The following SH3D19 variants were observed in gnomAD, a reference collection of about 807,000 sequenced individuals.
The protein encoded by SH3D19 is SH3 domain-containing protein 19.
In SH3D19, 58 loss-of-function variants were observed where a neutral mutation model predicts 112.1. The ratio of observed to expected loss-of-function variants is 0.52; its 90% confidence interval spans 0.42 to 0.64. SH3D19 has a LOEUF of 0.64. SH3D19 is among the 30% of genes least tolerant of loss of function. The pLI is 0.00. For synonymous variants in SH3D19, 391 were observed against 448.5 expected (o/e 0.87, Z 1.62); for missense variants, 1,090 against 1,263.4 (o/e 0.86, Z 2.08).
At chr4:151,236,261 C>T (rs941153426) in intron 1 of SH3D19, among the ~76,000 whole-genome samples, 41 of 152,378 alleles carry the variant, frequency 2.7e-4, no homozygotes, top group African/African-American at 8.4e-4. Context: ...GCCGGGGCTG[C>T]GCCCGGGGCT....
chr4:151,143,634 T>C (rs977713838), intron 12 of SH3D19, among the ~76,000 whole-genome samples: 2 of 151,964 alleles, frequency 1.3e-5, no homozygotes, highest in Non-Finnish European at 2.9e-5. Flanking sequence ...TTATTTGTTT[T>C]TTTTTTCCAA....
intron 17 of SH3D19, among the ~76,000 whole-genome samples, chr4:151,131,001 T>C (rs1458439922): frequency 6.6e-6 from 1 of 152,118 alleles, no homozygotes; most frequent in Non-Finnish European, 1.5e-5. Context: ...ATAATCTCAC[T>C]ACCTAGATGC....
chr4:151,132,362 GT>G lies in SH3D19; in HGVS notation c.2710del (p.Thr904ProfsTer69). 6.2e-7 allele frequency: 1 copy of G among 1,613,556 alleles called. No individual in the cohort carries two copies. Among genetic ancestry groups the G allele is most frequent in the Non-Finnish European group, 8.5e-7 (1 of 1,179,830 alleles). Reference sequence around the variant, plus strand: ...GTTTGAGCCAGAATCTTCTTTTTTGGTTTTCAGTGGTACCTTTGTGCCTACA... The same window carrying G: ...GTTTGAGCCAGAATCTTCTTTTTTGGTTTCAGTGGTACCTTTGTGCCTACA... ...NVLSTKVPLK[T>X]KKEDSGSNSQ... On this transcript the variant is annotated frameshift_variant, in exon 17 of 20. Coordinates refer to ENST00000604030, the MANE Select transcript of SH3D19 (RefSeq NM_001378122.1). LOFTEE classifies it high-confidence loss of function.
chr4:151,292,574 C>T (rs1304913974), intron 1 of SH3D19, among the ~76,000 whole-genome samples: 6 of 152,134 alleles, frequency 3.9e-5, no homozygotes, highest in Admixed American at 6.5e-5. Context: ...GTTAAACAAT[C>T]ACACAACCTA....
chr4:151,293,383 G>T (rs1390098482), intron 1 of SH3D19, among the ~76,000 whole-genome samples: 1 of 151,338 alleles, frequency 6.6e-6, no homozygotes, highest in Non-Finnish European at 1.5e-5. Context: ...TGAGGCAGGA[G>T]AATGGCGTGA....
intron 1 of SH3D19, among the ~76,000 whole-genome samples, chr4:151,275,731 G>A (rs1773545704): frequency 6.6e-6 from 1 of 151,852 alleles, no homozygotes; most frequent in Admixed American, 6.6e-5. Flanking sequence ...GTATTGCCCA[G>A]GCTGATCTCA....
chr4:151,197,612 A>G (rs1763670786), intron 2 of SH3D19, among the ~76,000 whole-genome samples: 1 of 152,250 alleles, frequency 6.6e-6, no homozygotes, highest in African/African-American at 2.4e-5. Flanking sequence ...AACCACTGCA[A>G]TATTCTCCTG....
At chr4:151,258,630 C>T (rs1313447806) in intron 1 of SH3D19, among the ~76,000 whole-genome samples, 4 of 152,196 alleles carry the variant, frequency 2.6e-5, no homozygotes, top group African/African-American at 9.6e-5. Flanking sequence ...TCCCAGACAC[C>T]CTGCTCTCCC....
chr4:151,162,756 G>T (rs1757379915), intron 8 of SH3D19, among the ~76,000 whole-genome samples: 1 of 151,942 alleles, frequency 6.6e-6, no homozygotes, highest in Admixed American at 6.6e-5. Context: ...TGTATTTCTA[G>T]TAGAGATGGG....
At chr4:151,202,584 C>A (rs1764551405) in intron 2 of SH3D19, among the ~76,000 whole-genome samples, 1 of 152,166 alleles carries the variant, frequency 6.6e-6, no homozygotes. Flanking sequence ...GATATGCCAA[C>A]TGTTTCTTGC....
chr4:151,288,896 A>AG (rs1775072071), intron 1 of SH3D19, among the ~76,000 whole-genome samples: 1 of 152,220 alleles, frequency 6.6e-6, no homozygotes, highest in South Asian at 2.1e-4. Context: ...GAAATTGGCA[A>AG]GCTGATCCTA....
At chr4:151,292,517 G>GA (rs1253677977) in intron 1 of SH3D19, among the ~76,000 whole-genome samples, 1 of 152,042 alleles carries the variant, frequency 6.6e-6, no homozygotes, top group Admixed American at 6.6e-5. Context: ...TAAATATTTG[G>GA]AACAAAGGAC....
At chr4:151,164,185 T>C (rs1757605227) in intron 8 of SH3D19, among the ~76,000 whole-genome samples, 1 of 152,178 alleles carries the variant, frequency 6.6e-6, no homozygotes, top group Non-Finnish European at 1.5e-5. Context: ...GTGGAATGCT[T>C]GTTCTGCTTT....
intron 1 of SH3D19, among the ~76,000 whole-genome samples, chr4:151,303,145 T>C (rs929059898): frequency 4.6e-5 from 7 of 152,224 alleles, no homozygotes; most frequent in African/African-American, 1.7e-4. Context: ...AGGTTTTGAT[T>C]ATGTTAAACA....
intron 1 of SH3D19, among the ~76,000 whole-genome samples, chr4:151,238,507 C>G (rs1156798189): frequency 6.6e-6 from 1 of 152,024 alleles, no homozygotes; most frequent in African/African-American, 2.4e-5. Context: ...TTGTTTGTGC[C>G]ACAGAACTCA....
intron 7 of SH3D19, among the ~76,000 whole-genome samples, chr4:151,173,534 T>C (rs56954649): frequency 0.054 from 8,211 of 152,216 alleles, 708 homozygotes; most frequent in African/African-American, 0.18. Context: ...AATAAAATAA[T>C]GTATGTCTCA....
chr4:151,190,200 T>A (rs2149857403), intron 2 of SH3D19, among the ~76,000 whole-genome samples: 1 of 152,268 alleles, frequency 6.6e-6, no homozygotes, highest in African/African-American at 2.4e-5. Flanking sequence ...ATTCAAAAAG[T>A]CACTTGGGTT....
intron 1 of SH3D19, among the ~76,000 whole-genome samples, chr4:151,280,881 T>C (rs994595283): frequency 6.6e-6 from 1 of 152,172 alleles, no homozygotes; most frequent in Non-Finnish European, 1.5e-5. Flanking sequence ...CTTAGAATTC[T>C]ACCCATATGC....
At chr4:151,238,887 CT>C (rs1271051468) in intron 1 of SH3D19, among the ~76,000 whole-genome samples, 2 of 152,174 alleles carry the variant, frequency 1.3e-5, no homozygotes, top group African/African-American at 4.8e-5. Context: ...AAGCCCACCC[CT>C]GTCCTTCCTC....
Sources: allele counts gnomAD v4.1 joint callset (sites outside exome capture counted in the v4.1 genomes callset), GRCh38; gene constraint gnomAD v4.1.1; transcripts MANE v1.5; gene names NCBI Gene and HGNC (gene_info 2026-07-23, HGNC 2026-07-21).